The following MAP3K15 variants were observed in gnomAD, a reference collection of about 807,000 sequenced individuals.
The protein encoded by MAP3K15 is mitogen-activated protein kinase kinase kinase 15.
A neutral mutation model predicts 99.5 loss-of-function variants in MAP3K15; 124 were observed. That is an observed-to-expected ratio of 1.25 (90% CI 1.08 to 1.45). MAP3K15 has a LOEUF of 1.45. MAP3K15 is among the 40% of genes most tolerant of loss of function. The pLI is 0.00. For missense variants in MAP3K15, 1,242 were observed against 1,079.7 expected (o/e 1.15, Z -2.11); for synonymous variants, 494 against 439.6 (o/e 1.12, Z -1.55).
chrX:19,462,970 A>C (rs2064142171), intron 4 of MAP3K15, among the ~76,000 whole-genome samples: 1 of 112,595 alleles, frequency 8.9e-6, no homozygotes, highest in African/African-American at 3.2e-5. Flanking sequence ...ACACTGAGTG[A>C]GAAACAAACT....
intron 3 of MAP3K15, among the ~76,000 whole-genome samples, chrX:19,471,687 A>G (rs1222634433): frequency 8.9e-6 from 1 of 112,112 alleles, no homozygotes; most frequent in Non-Finnish European, 1.9e-5. Flanking sequence ...AAGAGTGAAA[A>G]TCCTGAAAGC....
At chrX:19,463,974 A>G (rs778456601) in intron 4 of MAP3K15, among the ~76,000 whole-genome samples, 1 of 111,202 alleles carries the variant, frequency 9.0e-6, no homozygotes, top group South Asian at 3.8e-4. Context: ...CAGAGAGAAG[A>G]GAAGTTACAT....
At chrX:19,513,390 G>C (rs546563898) in intron 1 of MAP3K15, among the ~76,000 whole-genome samples, 2 of 112,270 alleles carry the variant, frequency 1.8e-5, no homozygotes, top group Admixed American at 1.9e-4. Context: ...TCCAATTTTG[G>C]AGCAGAATGA....
chrX:19,373,315 G>A (rs1414633527), intron 21 of MAP3K15: 2 of 385,713 alleles, frequency 5.2e-6, no homozygotes, highest in African/African-American at 3.2e-5. Flanking sequence ...GTGGGGGAGG[G>A]CACATGTGGG....
chrX:19,389,048 A>C (rs754398742), intron 18 of MAP3K15, among the ~76,000 whole-genome samples: 1 of 110,795 alleles, frequency 9.0e-6, no homozygotes, highest in South Asian at 3.8e-4. Context: ...GCAAAACCCC[A>C]CATATTGTAT....
chrX:19,396,059 G>A (rs1362518015), intron 15 of MAP3K15, among the ~76,000 whole-genome samples: 1 of 111,762 alleles, frequency 8.9e-6, no homozygotes, highest in Non-Finnish European at 1.9e-5. Context: ...ACTAAGGAGA[G>A]TAATTCATTC....
chrX:19,391,892 C>A lies in MAP3K15; in HGVS notation c.2431+110G>T, dbSNP rs2063530527. 1.0e-5 allele frequency: 5 copies of A among 484,817 alleles called. No individual in the cohort carries two copies. In the East Asian group the frequency reaches 1.8e-4, roughly 18 times the overall value. 40.0% of individuals were successfully genotyped at this position (484,817 alleles called of 1,213,427 possible). Reference sequence around the variant, plus strand: ...CACTGTCTACTTCAAGTATCAATTGCTCACTCTGCTCAGAAAAGGTGCTCA... The same window carrying A: ...CACTGTCTACTTCAAGTATCAATTGATCACTCTGCTCAGAAAAGGTGCTCA... On this transcript the variant is annotated intron_variant, in intron 18 of 28. Transcript: ENST00000338883.
chrX:19,480,206 A>G (rs2064278775), intron 3 of MAP3K15, among the ~76,000 whole-genome samples: 1 of 112,013 alleles, frequency 8.9e-6, no homozygotes, highest in African/African-American at 3.2e-5. Flanking sequence ...TGTCAATACC[A>G]GCCAAGCAAT....
intron 1 of MAP3K15, among the ~76,000 whole-genome samples, chrX:19,496,224 G>A (rs747473413): frequency 6.4e-5 from 7 of 109,763 alleles, no homozygotes; most frequent in African/African-American, 2.0e-4. Flanking sequence ...GCACCACCAC[G>A]CCAGGCTAAT....
rs746917063 is a variant in MAP3K15 at position 19,402,170 on chromosome X, C to T, written c.1845-1507G>A. Among the ~76,000 whole-genome samples, 306 of 108,396 alleles carry T rather than the reference C, an allele frequency of 2.8e-3. 2 individuals are homozygous for T. The highest frequency in any genetic ancestry group is 1.0e-2 in the African/African-American group (293 of 29,438). The allele number at this position is 108,396 out of a possible 115,157, so 94.1% of individuals were successfully genotyped here. On this transcript the variant is annotated intron_variant, in intron 13 of 28. Transcript: ENST00000338883. ...ATTAGCCAGGTGTGGTGGCACACAC[C>T]TGTAGTCCCAGCTACTCAGGAGACT... is the stretch of plus-strand genomic sequence containing the variant.
At chrX:19,404,789 T>C (rs1023570322) in intron 13 of MAP3K15, among the ~76,000 whole-genome samples, 2 of 111,939 alleles carry the variant, frequency 1.8e-5, no homozygotes, top group African/African-American at 6.5e-5. Flanking sequence ...TTTCAACAAA[T>C]GGTGCTAGGA....
At chrX:19,460,910 G>A (rs1434102611) in intron 4 of MAP3K15, among the ~76,000 whole-genome samples, 2 of 110,251 alleles carry the variant, frequency 1.8e-5, no homozygotes, top group Non-Finnish European at 3.8e-5. Flanking sequence ...AAGTAGCTGG[G>A]ACTATAGGCA....
intron 1 of MAP3K15, among the ~76,000 whole-genome samples, chrX:19,513,563 C>A (rs745527812): frequency 9.0e-6 from 1 of 111,576 alleles, no homozygotes; most frequent in Non-Finnish European, 1.9e-5. Context: ...TGACTCCCCC[C>A]CTACCCCGCC....
In MAP3K15 at chrX:19,383,912, T is replaced by C. The variant is rs757092112; in HGVS notation, c.2432-3635A>G. On this transcript the variant is annotated intron_variant, in intron 18 of 28. Coordinates refer to ENST00000338883, the MANE Select transcript of MAP3K15 (RefSeq NM_001001671.4). ...GGAGTGTAAATTAGTACAACCACTA[T>C]GGAGAACAGTTTGGAGGTTCCTCAA... Among the ~76,000 whole-genome samples the C allele has an allele frequency of 2.7e-5, 3 of 112,004 alleles. No homozygotes were observed. The Admixed American group carries it at 2.8e-4, about 11-fold the overall frequency.
chrX:19,486,007 G>A (rs1299897431), intron 3 of MAP3K15, among the ~76,000 whole-genome samples: 1 of 111,749 alleles, frequency 8.9e-6, no homozygotes, highest in Non-Finnish European at 1.9e-5. Flanking sequence ...TACATAAATG[G>A]GACAGAAGGA....
At chrX:19,438,627 C>A (rs928068717) in intron 6 of MAP3K15, among the ~76,000 whole-genome samples, 1 of 111,829 alleles carries the variant, frequency 8.9e-6, no homozygotes, top group South Asian at 3.7e-4. Flanking sequence ...TGCCATCAAC[C>A]ATCCTGTCTC....
chrX:19,363,789 A>G (rs759269677), intron 25 of MAP3K15, among the ~76,000 whole-genome samples: 4 of 110,210 alleles, frequency 3.6e-5, no homozygotes, highest in Non-Finnish European at 7.6e-5. Flanking sequence ...AGTATCTGGG[A>G]CTACAGGCAT....
intron 21 of MAP3K15, among the ~76,000 whole-genome samples, 168 bp downstream of exon 21, chrX:19,373,368 C>CT (rs2063392057): frequency 9.1e-6 from 1 of 110,246 alleles, no homozygotes; most frequent in Non-Finnish European, 1.9e-5. Context: ...AGCAAGTGAA[C>CT]GAAGCACCCT....
At chrX:19,487,130 G>C (rs753998027) in intron 2 of MAP3K15, among the ~76,000 whole-genome samples, 1 of 61,646 alleles carries the variant, frequency 1.6e-5, no homozygotes, top group Admixed American at 1.9e-4. Flanking sequence ...TTCTGGGGGT[G>C]GGGGGGGGGA....
Sources: gnomAD v4.1 joint callset for allele counts (sites outside exome capture counted in the v4.1 genomes callset) on GRCh38, gnomAD v4.1.1 for gene constraint, MANE v1.5 for transcripts, NCBI Gene and HGNC (gene_info 2026-07-23, HGNC 2026-07-21) for gene names.